The following NKAIN2 variants were observed in gnomAD, a reference collection of about 807,000 sequenced individuals.
NKAIN2 encodes sodium/potassium transporting ATPase interacting 2.
NKAIN2 carries 14 observed loss-of-function variants against 32.6 expected under a neutral mutation model. The observed-to-expected ratio is 0.43, with a 90% CI of 0.28 to 0.67. The LOEUF (loss-of-function observed/expected upper bound fraction) is 0.67, where lower values mean the gene tolerates loss of function less well. Among genes scored for constraint, NKAIN2 ranks in the 30% least tolerant of loss-of-function variants. The pLI, the probability that NKAIN2 is intolerant of heterozygous loss-of-function variation, is 0.17. For synonymous variants in NKAIN2, 80 were observed against 87.2 expected, an observed-to-expected ratio of 0.92 and a Z score of 0.46; for missense variants, 198 against 258.3, an observed-to-expected ratio of 0.77 and a Z score of 1.60.
At chr6:124,697,167 G>C (rs545477661) in intron 4 of NKAIN2, among the ~76,000 whole-genome samples, 1 of 152,204 alleles carries the variant, frequency 6.6e-6, no homozygotes, top group South Asian at 2.1e-4. Flanking sequence ...CACATAACCT[G>C]GGCATCTGCA....
At chr6:123,907,229 GT>G (rs549053331) in intron 1 of NKAIN2, among the ~76,000 whole-genome samples, 2 of 151,372 alleles carry the variant, frequency 1.3e-5, no homozygotes, top group East Asian at 1.9e-4. Flanking sequence ...TTTCTATTTT[GT>G]TTTTTTTAGA....
intron 1 of NKAIN2, among the ~76,000 whole-genome samples, chr6:124,188,939 T>C (rs1285586063): frequency 2.0e-5 from 3 of 152,198 alleles, no homozygotes; most frequent in African/African-American, 7.2e-5. Context: ...AACATAGCTG[T>C]TTACAAACAG....
intron 3 of NKAIN2, among the ~76,000 whole-genome samples, chr6:124,625,704 ATTT>A (rs1783297354): frequency 2.0e-5 from 2 of 98,484 alleles, no homozygotes; most frequent in Admixed American, 9.5e-5. Flanking sequence ...AAGATGCTTT[ATTT>A]ATTTATTTAT....
At chr6:124,335,075 G>A (rs1390047086) in intron 2 of NKAIN2, among the ~76,000 whole-genome samples, 1 of 152,100 alleles carries the variant, frequency 6.6e-6, no homozygotes, top group Non-Finnish European at 1.5e-5. Flanking sequence ...TTAGAAGACA[G>A]GTATCACACG....
intron 1 of NKAIN2, among the ~76,000 whole-genome samples, chr6:124,165,512 T>C (rs181894872): frequency 5.8e-4 from 89 of 152,180 alleles, no homozygotes; most frequent in African/African-American, 1.8e-3. Context: ...TGTATTTTTT[T>C]ATTTTATTTT....
chr6:124,736,435 A>G (rs1274160495), intron 4 of NKAIN2, among the ~76,000 whole-genome samples: 1 of 151,932 alleles, frequency 6.6e-6, no homozygotes, highest in African/African-American at 2.4e-5. Context: ...AGATTTTTTA[A>G]TTAGATACAA....
intron 1 of NKAIN2, among the ~76,000 whole-genome samples, chr6:124,262,901 C>A (rs560216358): frequency 1.9e-4 from 29 of 152,152 alleles, no homozygotes; most frequent in African/African-American, 6.5e-4. Flanking sequence ...TGACCTTGAG[C>A]AACTTAGTTA....
At chr6:124,487,708 C>A (rs1319490469) in intron 3 of NKAIN2, among the ~76,000 whole-genome samples, 1 of 151,920 alleles carries the variant, frequency 6.6e-6, no homozygotes, top group African/African-American at 2.4e-5. Context: ...TTCTTATTTC[C>A]TGTTTAGAAG....
intron 1 of NKAIN2, among the ~76,000 whole-genome samples, chr6:124,242,688 T>C (rs544381968): frequency 6.6e-6 from 1 of 152,206 alleles, no homozygotes; most frequent in African/African-American, 2.4e-5. Context: ...TGTGGACGTA[T>C]ACACCATGGA....
chr6:124,472,746 G>A (rs1411868908), intron 3 of NKAIN2, among the ~76,000 whole-genome samples: 1 of 151,456 alleles, frequency 6.6e-6, no homozygotes, highest in Non-Finnish European at 1.5e-5. Flanking sequence ...GATTATGAAG[G>A]ACCTTGTATT....
chr6:124,292,087 G>A (rs1795840250), intron 2 of NKAIN2, among the ~76,000 whole-genome samples: 2 of 152,046 alleles, frequency 1.3e-5, no homozygotes, highest in Non-Finnish European at 1.5e-5. Context: ...TTATATTATA[G>A]TTTTTAATTT....
intron 1 of NKAIN2, among the ~76,000 whole-genome samples, chr6:124,045,737 G>A (rs1198984448): frequency 6.6e-6 from 1 of 151,970 alleles, no homozygotes; most frequent in East Asian, 1.9e-4. Context: ...CTTAAACCAT[G>A]TTCTATAATT....
chr6:124,767,048 T>C (rs977510909), intron 4 of NKAIN2, among the ~76,000 whole-genome samples: 1 of 151,976 alleles, frequency 6.6e-6, no homozygotes, highest in Non-Finnish European at 1.5e-5. Context: ...GCATCCGCCA[T>C]CACGCCCGGG....
intron 3 of NKAIN2, among the ~76,000 whole-genome samples, chr6:124,360,395 A>T (rs187170957): frequency 6.6e-6 from 1 of 152,256 alleles, no homozygotes; most frequent in Non-Finnish European, 1.5e-5. Context: ...AAATTATAGT[A>T]ATCAACCAAC....
chr6:124,192,061 A>AT (rs937534212), intron 1 of NKAIN2, among the ~76,000 whole-genome samples: 5 of 151,716 alleles, frequency 3.3e-5, no homozygotes, highest in African/African-American at 4.8e-5. Context: ...GTTTGCTTTG[A>AT]TTTTTTTCCT....
intron 1 of NKAIN2, among the ~76,000 whole-genome samples, chr6:123,884,376 T>A (rs1773614361): frequency 6.6e-6 from 1 of 152,152 alleles, no homozygotes. Flanking sequence ...AAGAACAGAC[T>A]AACACACACA....
At chr6:123,942,362 T>C (rs961600905) in intron 1 of NKAIN2, among the ~76,000 whole-genome samples, 1 of 152,050 alleles carries the variant, frequency 6.6e-6, no homozygotes, top group Admixed American at 6.6e-5. Flanking sequence ...CTGCTTATAG[T>C]TGTAGACATT....
chr6:123,936,077 A>G (rs1776496310), intron 1 of NKAIN2, among the ~76,000 whole-genome samples: 1 of 152,176 alleles, frequency 6.6e-6, no homozygotes, highest in South Asian at 2.1e-4. Context: ...CACTATTACA[A>G]AAAAATATGG....
At chr6:124,438,939 T>C (rs1775575107) in intron 3 of NKAIN2, among the ~76,000 whole-genome samples, 1 of 152,154 alleles carries the variant, frequency 6.6e-6, no homozygotes, top group African/African-American at 2.4e-5. Context: ...AAAGGCTTGC[T>C]CCTAGGCCTT....
Sources: allele counts gnomAD v4.1 joint callset (sites outside exome capture counted in the v4.1 genomes callset), GRCh38; gene constraint gnomAD v4.1.1; transcripts MANE v1.5; gene names NCBI Gene and HGNC (gene_info 2026-07-23, HGNC 2026-07-21).